SLC24A4: variants seen among roughly 807,000 people sequenced by gnomAD.
SLC24A4 encodes the protein solute carrier family 24 member 4.
Under a neutral mutation model 79.0 loss-of-function variants are expected in SLC24A4, and 53 were observed. That is an observed-to-expected ratio of 0.67 (90% CI 0.54 to 0.84). The LOEUF is 0.84. Ranked by LOEUF, SLC24A4 falls within the 40% of genes least tolerant of loss-of-function variation. The probability of loss-of-function intolerance (pLI) is 0.00; values close to 1 mark genes in which losing one functional copy is unlikely to be tolerated. For synonymous variants in SLC24A4, 323 were observed against 323.8 expected (o/e 1.00, Z 0.03); for missense variants, 731 against 822.0 (o/e 0.89, Z 1.35).
intron 2 of SLC24A4, among the ~76,000 whole-genome samples, chr14:92,393,807 T>C (rs1889623114): frequency 6.6e-6 from 1 of 152,010 alleles, no homozygotes; most frequent in Admixed American, 6.5e-5. Flanking sequence ...GGTCAGGGCT[T>C]TGAGACCAGC....
At chr14:92,390,129 C>T (rs1034384455) in intron 2 of SLC24A4, among the ~76,000 whole-genome samples, 11 of 151,724 alleles carry the variant, frequency 7.3e-5, no homozygotes, top group Admixed American at 2.0e-4. Flanking sequence ...CTTCCCAGTC[C>T]GGGTCATCCC....
intron 16 of SLC24A4, 58 bp downstream of exon 16, chr14:92,492,298 C>A (rs377717745): frequency 1.3e-6 from 2 of 1,513,382 alleles, no homozygotes; most frequent in African/African-American, 1.4e-5. Context: ...CATCTGATTC[C>A]GCCTCGTCAC....
intron 2 of SLC24A4, among the ~76,000 whole-genome samples, chr14:92,416,589 G>C (rs1485429284): frequency 6.6e-6 from 1 of 152,174 alleles, no homozygotes; most frequent in Admixed American, 6.5e-5. Flanking sequence ...GGAAGGAAAA[G>C]GCCACAGGCT....
chr14:92,448,379 C>CACACACACACACAA (rs1491519475), intron 9 of SLC24A4, among the ~76,000 whole-genome samples: 47 of 148,702 alleles, frequency 3.2e-4, no homozygotes, highest in African/African-American at 1.2e-3. Flanking sequence ...CACACACACA[C>CACACACACACACAA]AAATCCCTAC....
At chr14:92,431,029 G>A (rs1891842595) in intron 2 of SLC24A4, among the ~76,000 whole-genome samples, 1 of 152,214 alleles carries the variant, frequency 6.6e-6, no homozygotes, top group Non-Finnish European at 1.5e-5. Context: ...GGCTTTCTCA[G>A]GAACCTGGGA....
At chr14:92,412,347 C>A (rs927528071) in intron 2 of SLC24A4, among the ~76,000 whole-genome samples, 1 of 152,174 alleles carries the variant, frequency 6.6e-6, no homozygotes, top group African/African-American at 2.4e-5. Context: ...CCACCCAAAT[C>A]ATATGGATGA....
At chr14:92,381,783 G>A (rs1250162237) in intron 2 of SLC24A4, among the ~76,000 whole-genome samples, 1 of 151,748 alleles carries the variant, frequency 6.6e-6, no homozygotes, top group Non-Finnish European at 1.5e-5. Context: ...TACGGTAAAA[G>A]CTGTCAGGTC....
rs750481902 is a variant in SLC24A4, at chr14:92,456,468, A to G, written c.1115A>G (p.Glu372Gly). ...AAGCCGCTTCAAAACGGGAGGCACG[A>G]GAACATTGAGAACGGGAATGTTCCT... is the stretch of plus-strand genomic sequence containing the variant. ...SSKPLQNGRH[E>G]NIENGNVPVE... The change falls in exon 12 of 17, where the codon GAG becomes GGG. Residue 372 changes from glutamate (E) to glycine (G), a missense_variant. Physicochemically the swap from Glu to Gly is moderately conservative, Grantham distance 98 (BLOSUM62 -2). Coordinates refer to ENST00000532405, the MANE Select transcript of SLC24A4 (RefSeq NM_153646.4). The G allele has an allele frequency of 6.2e-7, 1 of 1,614,228 alleles. No individual in the cohort carries two copies. Among genetic ancestry groups the G allele is most frequent in the Non-Finnish European group, 8.5e-7 (1 of 1,180,044 alleles).
intron 2 of SLC24A4, among the ~76,000 whole-genome samples, chr14:92,339,444 G>A (rs1886000812): frequency 6.6e-6 from 1 of 152,226 alleles, no homozygotes; most frequent in South Asian, 2.1e-4. Flanking sequence ...AGTCCTGAGG[G>A]TAGATGGTGG....
At position 92,442,742 on chromosome 14, in the gene SLC24A4, G is replaced by T; in HGVS notation, c.508G>T (p.Val170Leu). 1 of 1,614,120 alleles carries T rather than the reference G, an allele frequency of 6.2e-7. No homozygotes were observed. Residue 170 changes from valine (V) to leucine (L), a missense_variant, in exon 6 of 17, where the codon GTG (valine) becomes TTG (leucine). Val to Leu is a conservative substitution (Grantham distance 32). Transcript: ENST00000532405. ...GVFITHGDVGVGTIVGSAVFN... is the reference protein window; with the variant it reads ...GVFITHGDVGLGTIVGSAVFN... ...GTTCATCACCCATGGGGACGTCGGG[G>T]TGGGCACCATCGTGGGCTCTGCTGT...
chr14:92,425,382 C>A (rs4288928), intron 2 of SLC24A4, among the ~76,000 whole-genome samples: 63,603 of 152,066 alleles, frequency 0.42, 13,529 homozygotes, highest in Non-Finnish European at 0.44. Flanking sequence ...ACACTATTCA[C>A]CTCACTACAG....
rs116454500 is a variant in SLC24A4 at position 92,326,968 on chromosome 14, C to T, written c.241+990C>T. Among the ~76,000 whole-genome samples, 1,507 of 152,200 alleles carry T rather than the reference C, an allele frequency of 9.9e-3. 28 individuals are homozygous for T. The highest frequency in any genetic ancestry group is 0.034 in the African/African-American group (1,428 of 41,520). ...GAGACGGAGCTCCAGGACAAAGGAG[C>T]AGGGTTGGATGGCAGTCCCCACGTG... On this transcript the variant is annotated intron_variant, in intron 2 of 16. Transcript: ENST00000532405.
At chr14:92,460,227 T>G (rs1031488520) in intron 12 of SLC24A4, among the ~76,000 whole-genome samples, 1 of 152,078 alleles carries the variant, frequency 6.6e-6, no homozygotes, top group Admixed American at 6.5e-5. Flanking sequence ...ACCAGCAGGG[T>G]GAGTCTGGGC....
intron 12 of SLC24A4, among the ~76,000 whole-genome samples, chr14:92,480,798 T>C (rs1419901856): frequency 6.6e-6 from 1 of 152,192 alleles, no homozygotes; most frequent in East Asian, 1.9e-4. Context: ...TTCCTTCTGT[T>C]ATTGGTTTCT....
chr14:92,476,266 G>A (rs1047509654), intron 12 of SLC24A4, among the ~76,000 whole-genome samples: 1 of 152,214 alleles, frequency 6.6e-6, no homozygotes, highest in Non-Finnish European at 1.5e-5. Flanking sequence ...GAGTTGGGAT[G>A]TGGACTCACC....
intron 12 of SLC24A4, among the ~76,000 whole-genome samples, chr14:92,467,412 A>G (rs774023833): frequency 1.3e-5 from 2 of 152,264 alleles, no homozygotes; most frequent in African/African-American, 4.8e-5. Flanking sequence ...CATCAACCTG[A>G]CTAATGGCCT....
chr14:92,324,857 A>C (rs927550812), intron 1 of SLC24A4, among the ~76,000 whole-genome samples: 1 of 152,220 alleles, frequency 6.6e-6, no homozygotes, highest in Admixed American at 6.5e-5. Flanking sequence ...GCAGTTAGAA[A>C]GGCCGTCAAC....
At chr14:92,491,919 A>G (rs1297304442) in intron 15 of SLC24A4, 142 bp downstream of exon 15, 8 of 705,752 alleles carry the variant, frequency 1.1e-5, no homozygotes, top group Admixed American at 2.4e-5. Context: ...CTTCTAGAGC[A>G]CCTTAGGGAT....
At chr14:92,384,122 C>T (rs1430849602) in intron 2 of SLC24A4, among the ~76,000 whole-genome samples, 2 of 152,078 alleles carry the variant, frequency 1.3e-5, no homozygotes, top group Admixed American at 6.5e-5. Flanking sequence ...TGGTTGTTTT[C>T]CCCCCAGCTC....
Sources: gnomAD v4.1 joint callset for allele counts (sites outside exome capture counted in the v4.1 genomes callset) on GRCh38, gnomAD v4.1.1 for gene constraint, MANE v1.5 for transcripts, NCBI Gene and HGNC (gene_info 2026-07-23, HGNC 2026-07-21) for gene names.